NUP155: variants seen among roughly 807,000 people sequenced by gnomAD.
NUP155 encodes nucleoporin 155, also known as nuclear pore complex protein Nup155.
In NUP155, 71 loss-of-function variants were observed where a neutral mutation model predicts 180.4. That is an observed-to-expected ratio of 0.39 (90% CI 0.33 to 0.48). The LOEUF is 0.48. NUP155 is among the 20% of genes least tolerant of loss of function. The probability of loss-of-function intolerance (pLI) is 0.91; values close to 1 mark genes in which losing one functional copy is unlikely to be tolerated. For synonymous variants in NUP155, 582 were observed against 559.5 expected (o/e 1.04, Z -0.57); for missense variants, 1,553 against 1,648.9 (o/e 0.94, Z 1.01).
intron 21 of NUP155, among the ~76,000 whole-genome samples, chr5:37,316,925 G>A (rs536043749): frequency 6.6e-6 from 1 of 151,632 alleles, no homozygotes; most frequent in African/African-American, 2.4e-5. Context: ...CACTTTGGGA[G>A]GCTGAGGTGG....
Position 37,327,646 on chromosome 5 carries a change from G to A in NUP155, c.2007C>T (p.Tyr669=), listed in dbSNP as rs1744686859. The A allele has an allele frequency of 1.9e-6, 3 of 1,613,976 alleles. No homozygotes were observed. The highest frequency in any genetic ancestry group is 2.5e-6 in the Non-Finnish European group (3 of 1,180,010). ...YSGKHNGICI[Y]FSRIMGNIWD... is the part of the protein sequence containing the mutation. ...AAACTTACCCCATGATCCGAGAAAA[G>A]TAAATGCAAATACCATTGTGTTTTC... The change falls in exon 18 of 35, where the codon TAC becomes TAT. Residue 669 remains tyrosine (Y), a synonymous_variant. Transcript: ENST00000231498.
intron 21 of NUP155, 64 bp from the exon 22 acceptor site, chr5:37,314,392 A>C: frequency 7.9e-7 from 1 of 1,265,366 alleles, no homozygotes; most frequent in Non-Finnish European, 1.1e-6. Flanking sequence ...ATTTCAAATA[A>C]AAACTGTAGT....
rs546478295 is a variant in NUP155, at chr5:37,328,868, G to A, written c.1813+322C>T. 2.6e-5 allele frequency among the ~76,000 whole-genome samples: 4 copies of A among 152,324 alleles called. No homozygotes were observed. The South Asian group carries it at 8.3e-4, about 32-fold the overall frequency. On this transcript the variant is annotated intron_variant, in intron 16 of 34. Transcript: ENST00000231498. Reference sequence around the variant, plus strand: ...ACGATATATGCAAGAATTAGGGACTGATCTCCTAGTAAGTTTCTAACAACT... The same window carrying A: ...ACGATATATGCAAGAATTAGGGACTAATCTCCTAGTAAGTTTCTAACAACT...
chr5:37,364,362 C>T lies in NUP155; in HGVS notation c.180G>A (p.Met60Ile). ...CTTGCAAAGGATAATCCATATCTGACATGCCAGAAACGGTGGGATTATCTA... is the reference window on the plus strand; with the variant it reads ...CTTGCAAAGGATAATCCATATCTGATATGCCAGAAACGGTGGGATTATCTA... ...SAPNNPTVSG[M>I]SDMDYPLQGP... The change falls in exon 2 of 35, where the codon ATG (methionine) becomes ATA (isoleucine). Residue 60 changes from methionine (M) to isoleucine (I), a missense_variant. Transcript: ENST00000231498. 1.9e-6 allele frequency: 3 copies of T among 1,612,124 alleles called. No individual in the cohort carries two copies. Among genetic ancestry groups the T allele is most frequent in the Non-Finnish European group, 1.7e-6 (2 of 1,178,190 alleles).
chr5:37,331,534 A>T, intron 14 of NUP155, 151 bp downstream of exon 14: 1 of 425,192 alleles, frequency 2.4e-6, no homozygotes, highest in Non-Finnish European at 4.1e-6. Context: ...AGATTGCGCC[A>T]TTGCACTCCT....
chr5:37,324,763 G>A (rs1744476224), intron 19 of NUP155, among the ~76,000 whole-genome samples: 1 of 152,114 alleles, frequency 6.6e-6, no homozygotes, highest in South Asian at 2.1e-4. Context: ...GCGTTGCCCT[G>A]GCTGGTCCTG....
At chr5:37,328,772 T>C (rs545159267) in intron 16 of NUP155, among the ~76,000 whole-genome samples, 17 of 152,332 alleles carry the variant, frequency 1.1e-4, no homozygotes, top group Admixed American at 6.5e-4. Flanking sequence ...CCCAAAGTCC[T>C]GGGATTACAG....
chr5:37,368,591 G>A lies in NUP155; in HGVS notation c.157+2230C>T, dbSNP rs544597996. 6.6e-5 allele frequency among the ~76,000 whole-genome samples: 10 copies of A among 151,922 alleles called. No individual in the cohort carries two copies. The South Asian group carries it at 1.5e-3, about 22-fold the overall frequency. On this transcript the variant is annotated intron_variant, in intron 1 of 34. Transcript: ENST00000231498. Reference sequence around the variant, plus strand: ...TCCCAACACTTTGGGAGGCCGAGGCGGGCGGATCACATGAGGTCAGGAGAT... The same window carrying A: ...TCCCAACACTTTGGGAGGCCGAGGCAGGCGGATCACATGAGGTCAGGAGAT...
chr5:37,313,442 G>C (rs896831959), intron 22 of NUP155, among the ~76,000 whole-genome samples: 9 of 148,026 alleles, frequency 6.1e-5, no homozygotes, highest in African/African-American at 1.2e-4. Context: ...AAAAAAAAAA[G>C]AAAACATAAA....
At chr5:37,365,752 T>TACACACACACACACAC (rs372031424) in intron 1 of NUP155, among the ~76,000 whole-genome samples, 19 of 37,888 alleles carry the variant, frequency 5.0e-4, no homozygotes, top group African/African-American at 1.7e-3. Flanking sequence ...TATATATATA[T>TACACACACACACACAC]ACACACACAC....
chr5:37,314,949 T>C (rs573021808), intron 21 of NUP155, among the ~76,000 whole-genome samples: 58 of 152,280 alleles, frequency 3.8e-4, no homozygotes, highest in African/African-American at 1.3e-3. Flanking sequence ...AAAGTTCTAC[T>C]GGCCAGGCGT....
rs540806914 is a variant in NUP155, at chr5:37,291,236, C to T, written c.*664G>A. On this transcript the variant is annotated 3_prime_UTR_variant, in exon 35 of 35. Coordinates refer to ENST00000231498, the MANE Select transcript of NUP155 (RefSeq NM_153485.3). ...TATTATGGGAATGGATCTGCTTAGC[C>T]TATTTGAGGTTTTTTTGTTTTTTGA... 1.3e-5 allele frequency: 2 copies of T among 152,318 alleles called. No homozygotes were observed. The highest frequency in any genetic ancestry group is 2.4e-5 in the African/African-American group (1 of 41,534). The allele number at this position is 152,318 out of a possible 1,614,324, so 9.4% of individuals were successfully genotyped here.
In NUP155 at chr5:37,310,753, T is replaced by A. The variant is rs1188696116; in HGVS notation, c.2437-10A>T. 5 of 1,607,018 alleles carry A rather than the reference T, an allele frequency of 3.1e-6. No homozygotes were observed. Among genetic ancestry groups the A allele is most frequent in the Non-Finnish European group, 4.3e-6 (5 of 1,174,706 alleles). On this transcript the variant is annotated splice_polypyrimidine_tract_variant and intron_variant, in intron 22 of 34. Coordinates refer to ENST00000231498, the MANE Select transcript of NUP155 (RefSeq NM_153485.3). ...GCTGCTCTTGAAGTTCCTAGGAGCATAAAACTTTTCTATCACAATTATAGA... is the reference window on the plus strand; with the variant it reads ...GCTGCTCTTGAAGTTCCTAGGAGCAAAAAACTTTTCTATCACAATTATAGA...
At chr5:37,369,624 G>C (rs1311053910) in intron 1 of NUP155, among the ~76,000 whole-genome samples, 1 of 140,788 alleles carries the variant, frequency 7.1e-6, no homozygotes, top group Non-Finnish European at 1.5e-5. Flanking sequence ...AGGCCAATCA[G>C]GTATTATAAG....
chr5:37,319,994 G>T (rs971497858), intron 20 of NUP155, among the ~76,000 whole-genome samples: 8 of 151,650 alleles, frequency 5.3e-5, no homozygotes, highest in Middle Eastern at 3.4e-3. Flanking sequence ...ACCAGCCTGG[G>T]CAACACAGTG....
intron 29 of NUP155, 24 bp from the exon 30 acceptor site, chr5:37,301,574 G>T: frequency 7.5e-7 from 1 of 1,333,672 alleles, no homozygotes; most frequent in Non-Finnish European, 1.1e-6. Flanking sequence ...AAAACAGGAT[G>T]TCTTAATTTA....
rs1390640349 is a variant in NUP155 at position 37,289,704 on chromosome 5, T to C, written c.*2196A>G. 2 of 152,218 alleles carry C rather than the reference T, an allele frequency of 1.3e-5. No individual in the cohort carries two copies. Among genetic ancestry groups the C allele is most frequent in the Non-Finnish European group, 2.9e-5 (2 of 68,034 alleles). The allele number at this position is 152,218 out of a possible 1,614,324, so 9.4% of individuals were successfully genotyped here. ...TACAGCCCTTTTAAAACATGTACTT[T>C]CAATGTTGTGAGCTGAGTATATATA... On this transcript the variant is annotated 3_prime_UTR_variant, in exon 35 of 35. Coordinates refer to ENST00000231498, the MANE Select transcript of NUP155 (RefSeq NM_153485.3).
At chr5:37,350,942 A>G (rs543850180) in intron 6 of NUP155, among the ~76,000 whole-genome samples, 3 of 152,230 alleles carry the variant, frequency 2.0e-5, no homozygotes, top group African/African-American at 7.2e-5. Context: ...ATATGCATAG[A>G]TATCTATAGA....
intron 22 of NUP155, among the ~76,000 whole-genome samples, chr5:37,312,803 C>A (rs922769663): frequency 6.6e-6 from 1 of 152,110 alleles, no homozygotes; most frequent in African/African-American, 2.4e-5. Flanking sequence ...GCACTCCAGC[C>A]TGGGTGACAG....
Sources: allele counts gnomAD v4.1 joint callset (sites outside exome capture counted in the v4.1 genomes callset), GRCh38; gene constraint gnomAD v4.1.1; transcripts MANE v1.5; gene names NCBI Gene and HGNC (gene_info 2026-07-23, HGNC 2026-07-21).